The following TMEM117 variants were observed in gnomAD, a reference collection of about 807,000 sequenced individuals.
TMEM117 encodes transmembrane protein 117.
TMEM117 carries 27 observed loss-of-function variants against 52.4 expected under a neutral mutation model. The observed-to-expected ratio is 0.51, with a 90% CI of 0.38 to 0.71. The LOEUF (loss-of-function observed/expected upper bound fraction) is 0.71. Among genes scored for constraint, TMEM117 ranks in the 30% least tolerant of loss-of-function variants. The pLI, the probability that TMEM117 is intolerant of heterozygous loss-of-function variation, is 0.00. For missense variants in TMEM117, 556 were observed against 630.5 expected (o/e 0.88, Z 1.26); for synonymous variants, 215 against 206.3 (o/e 1.04, Z -0.36).
chr12:43,855,583 A>G (rs1943386796), intron 2 of TMEM117, among the ~76,000 whole-genome samples: 2 of 152,204 alleles, frequency 1.3e-5, no homozygotes, highest in African/African-American at 4.8e-5. Context: ...GCTATTTTCT[A>G]TGTACCTATG....
chr12:44,097,019 A>G (rs1947776355), intron 3 of TMEM117, among the ~76,000 whole-genome samples: 1 of 152,172 alleles, frequency 6.6e-6, no homozygotes, highest in Admixed American at 6.5e-5. Flanking sequence ...AATTTACAAG[A>G]AAAAAACAAA....
intron 6 of TMEM117, among the ~76,000 whole-genome samples, chr12:44,310,015 A>G (rs1950953978): frequency 6.6e-6 from 1 of 152,108 alleles, no homozygotes; most frequent in Admixed American, 6.5e-5. Flanking sequence ...GTTTCTAGGA[A>G]TCCACTTTTC....
chr12:44,284,261 G>A (rs1323059182), intron 5 of TMEM117, among the ~76,000 whole-genome samples: 5 of 151,954 alleles, frequency 3.3e-5, no homozygotes, highest in South Asian at 2.1e-4. Context: ...TCAGTGAGCC[G>A]AGATCATGCC....
intron 3 of TMEM117, among the ~76,000 whole-genome samples, chr12:44,098,194 G>A (rs1947803966): frequency 1.3e-5 from 2 of 152,158 alleles, no homozygotes; most frequent in South Asian, 2.1e-4. Context: ...TGCTTTCTGG[G>A]TGCCAGACAG....
the TMEM117 span, among the ~76,000 whole-genome samples, chr12:44,398,718 C>T: frequency 2.7e-4 from 41 of 152,140 alleles, 1 homozygote; most frequent in Non-Finnish European, 5.6e-4. Flanking sequence ...TGAACAAAGC[C>T]GAATCCACAG....
chr12:44,269,155 G>A (rs1950416707), intron 5 of TMEM117, among the ~76,000 whole-genome samples: 4 of 151,724 alleles, frequency 2.6e-5, no homozygotes, highest in African/African-American at 7.3e-5. Context: ...CATTCAAACT[G>A]GATTGCTTTT....
intron 5 of TMEM117, among the ~76,000 whole-genome samples, chr12:44,218,518 A>G (rs1949748373): frequency 6.6e-6 from 1 of 152,208 alleles, no homozygotes; most frequent in Admixed American, 6.5e-5. Flanking sequence ...AAAAGCCCAC[A>G]GCTAACATCA....
the TMEM117 span, among the ~76,000 whole-genome samples, chr12:43,821,001 A>G: frequency 0.014 from 2,054 of 151,926 alleles, 37 homozygotes; most frequent in African/African-American, 0.048. Flanking sequence ...AGGCTGAGGC[A>G]GGAGAATGGC....
At chr12:44,378,259 G>T (rs909446575) in intron 7 of TMEM117, among the ~76,000 whole-genome samples, 1 of 151,920 alleles carries the variant, frequency 6.6e-6, no homozygotes, top group African/African-American at 2.4e-5. Flanking sequence ...AAAAAATGGA[G>T]AGCCCATTGG....
chr12:44,136,824 C>T (rs1948497935), intron 3 of TMEM117, among the ~76,000 whole-genome samples: 1 of 152,050 alleles, frequency 6.6e-6, no homozygotes, highest in South Asian at 2.1e-4. Flanking sequence ...TAGCCTCTAG[C>T]TTTTTATTCC....
Position 44,359,743 on chromosome 12 carries a change from G to A in TMEM117, c.769-16852G>A, listed in dbSNP as rs922654573. On this transcript the variant is annotated intron_variant, in intron 6 of 7. Transcript: ENST00000266534. ...TATGTAAGTACATTTAAACATGACT[G>A]CATAAACATACTCTCAAATTAACAT... Among the ~76,000 whole-genome samples the A allele has an allele frequency of 2.0e-5, 3 of 151,922 alleles. No individual in the cohort carries two copies. The East Asian group carries it at 5.8e-4, about 29-fold the overall frequency.
At chr12:43,917,571 ATC>A (rs1413285027) in intron 2 of TMEM117, among the ~76,000 whole-genome samples, 1 of 152,200 alleles carries the variant, frequency 6.6e-6, no homozygotes, top group African/African-American at 2.4e-5. Context: ...AGCCTCAGCC[ATC>A]TGTCTCCCAA....
chr12:43,876,160 C>T (rs1360208299), intron 2 of TMEM117, among the ~76,000 whole-genome samples: 1 of 152,146 alleles, frequency 6.6e-6, no homozygotes, highest in East Asian at 1.9e-4. Context: ...TTTGTCCTTT[C>T]CTTTCCGGTT....
chr12:43,943,827 C>T (rs879471880), intron 2 of TMEM117, among the ~76,000 whole-genome samples: 25 of 152,276 alleles, frequency 1.6e-4, no homozygotes, highest in Admixed American at 9.2e-4. Context: ...CAAAGGGAAA[C>T]GATATAGGAT....
chr12:43,829,841 G>A, the TMEM117 span, among the ~76,000 whole-genome samples: 4 of 152,198 alleles, frequency 2.6e-5, no homozygotes, highest in African/African-American at 7.2e-5. Context: ...TGTAATCCCA[G>A]CACTTTGGGA....
intron 5 of TMEM117, among the ~76,000 whole-genome samples, chr12:44,264,999 G>A (rs73274148): frequency 0.02 from 2,988 of 152,178 alleles, 88 homozygotes; most frequent in African/African-American, 0.068. Flanking sequence ...ATGTGCTCTG[G>A]GGATAGTAGA....
At chr12:44,265,976 A>G (rs186025843) in intron 5 of TMEM117, among the ~76,000 whole-genome samples, 19 of 152,280 alleles carry the variant, frequency 1.2e-4, no homozygotes, top group Admixed American at 1.2e-3. Context: ...GGATAAAGCA[A>G]ATTTTATTTA....
intron 2 of TMEM117, among the ~76,000 whole-genome samples, chr12:43,924,459 T>C (rs1478421767): frequency 3.9e-5 from 6 of 152,160 alleles, no homozygotes. Flanking sequence ...AGATAAAAAA[T>C]GCCATTACTG....
chr12:44,346,925 G>A lies in TMEM117; in HGVS notation c.769-29670G>A, dbSNP rs980370682. Among the ~76,000 whole-genome samples the A allele has an allele frequency of 5.3e-5, 8 of 152,172 alleles. No homozygotes were observed. The East Asian group carries it at 7.8e-4, about 15-fold the overall frequency. ...AAAATAATGCTCTTCTGAGGGATGC[G>A]CTATGAGAAAAGCTAATTTTTCTAG... On this transcript the variant is annotated intron_variant, in intron 6 of 7. Transcript: ENST00000266534.
Sources: allele counts gnomAD v4.1 joint callset (sites outside exome capture counted in the v4.1 genomes callset), GRCh38; gene constraint gnomAD v4.1.1; transcripts MANE v1.5; gene names NCBI Gene and HGNC (gene_info 2026-07-23, HGNC 2026-07-21).